The following FBXL2 variants were observed in gnomAD, a reference collection of about 807,000 sequenced individuals.
The protein encoded by FBXL2 is F-box and leucine rich repeat protein 2.
In FBXL2, 38 loss-of-function variants were observed where a neutral mutation model predicts 69.2. The observed-to-expected ratio is 0.55, with a 90% CI of 0.42 to 0.72. The LOEUF (loss-of-function observed/expected upper bound fraction) is 0.72, where lower values mean the gene tolerates loss of function less well. Ranked by LOEUF, FBXL2 falls within the 30% of genes least tolerant of loss-of-function variation. FBXL2 has a pLI of 0.00. For synonymous variants in FBXL2, 192 were observed against 201.3 expected, an observed-to-expected ratio of 0.95 and a Z score of 0.39; for missense variants, 354 against 520.3, an observed-to-expected ratio of 0.68 and a Z score of 3.11.
intron 4 of FBXL2, 114 bp downstream of exon 4, chr3:33,359,471 A>G: frequency 1.7e-6 from 1 of 591,066 alleles, no homozygotes; most frequent in Non-Finnish European, 2.8e-6. Flanking sequence ...GCTGAGGTAG[A>G]ACAGAAAGAA....
At chr3:33,327,418 C>G (rs1234624399) in intron 2 of FBXL2, among the ~76,000 whole-genome samples, 1 of 151,956 alleles carries the variant, frequency 6.6e-6, no homozygotes, top group Non-Finnish European at 1.5e-5. Context: ...AACTGTTTGT[C>G]CTATAATCCA....
At chr3:33,303,792 G>T (rs1223317801) in intron 2 of FBXL2, among the ~76,000 whole-genome samples, 2 of 151,844 alleles carry the variant, frequency 1.3e-5, no homozygotes, top group African/African-American at 4.8e-5. Context: ...TAAGATAAAG[G>T]TAGATTGATT....
chr3:33,384,142 G>A lies in FBXL2; in HGVS notation c.1105G>A (p.Glu369Lys). 6.2e-7 allele frequency: 1 copy of A among 1,614,144 alleles called. No individual in the cohort carries two copies. Among genetic ancestry groups the A allele is most frequent in the Non-Finnish European group, 8.5e-7 (1 of 1,180,030 alleles). The change falls in exon 14 of 15, where the codon GAG (glutamate) becomes AAG (lysine). Residue 369 changes from glutamate (E) to lysine (K), a missense_variant. Physicochemically the swap from Glu to Lys is moderately conservative, Grantham distance 56. Transcript: ENST00000484457. ...LEHLENCRGLERLELYDCQQV... is the reference protein window; with the variant it reads ...LEHLENCRGLKRLELYDCQQV... The stretch of plus-strand genomic sequence containing the variant: ...ACACCTAGAGAACTGCCGAGGCCTG[G>A]AGCGCCTCGAGCTGTACGACTGCCA...
Position 33,343,157 on chromosome 3 carries a change from ATATG to A in FBXL2, c.66-15809_66-15806del, listed in dbSNP as rs1255518275. ...TATAGTATTCAAAGCAATTATATAT[ATATG>A]ATAGTTAAAGAACATTTTGTAATAT... On this transcript the variant is annotated intron_variant, in intron 2 of 14. Coordinates refer to ENST00000484457, the MANE Select transcript of FBXL2 (RefSeq NM_012157.5). Among the ~76,000 whole-genome samples the A allele has an allele frequency of 9.9e-5, 15 of 152,052 alleles. No individual in the cohort carries two copies. In the East Asian group the frequency reaches 2.1e-3, roughly 22 times the overall value.
chr3:33,277,992 G>C (rs548045154), intron 1 of FBXL2, among the ~76,000 whole-genome samples: 1 of 152,172 alleles, frequency 6.6e-6, no homozygotes, highest in Non-Finnish European at 1.5e-5. Flanking sequence ...TCAGCATTCT[G>C]ATAGGTTTTT....
chr3:33,407,879 G>A (rs543373195), downstream of FBXL2, among the ~76,000 whole-genome samples: 14 of 152,310 alleles, frequency 9.2e-5, no homozygotes, highest in South Asian at 2.5e-3. Context: ...ATTTACTGAA[G>A]GTATGTAGCT....
intron 14 of FBXL2, among the ~76,000 whole-genome samples, chr3:33,384,703 G>A (rs1466931874): frequency 1.3e-5 from 2 of 152,018 alleles, no homozygotes; most frequent in Admixed American, 1.3e-4. Context: ...GTTGGGTCTG[G>A]GCTGGAGATT....
chr3:33,403,796 G>C (rs1176920572), downstream of FBXL2: 2 of 152,166 alleles, frequency 1.3e-5, no homozygotes, highest in African/African-American at 4.8e-5. Flanking sequence ...CTTCAGACTT[G>C]AGATACAGAC....
intron 2 of FBXL2, among the ~76,000 whole-genome samples, chr3:33,325,525 C>A (rs1267545637): frequency 6.6e-6 from 1 of 152,104 alleles, no homozygotes; most frequent in East Asian, 1.9e-4. Flanking sequence ...TTGTTGAAGG[C>A]CTTTTCTGCA....
At chr3:33,366,791 T>C (rs1047884934) in intron 5 of FBXL2, among the ~76,000 whole-genome samples, 14 of 152,092 alleles carry the variant, frequency 9.2e-5, no homozygotes, top group African/African-American at 2.2e-4. Flanking sequence ...AGTGAAACCC[T>C]GTCTCTACTA....
chr3:33,298,696 C>CA (rs1158732530), intron 2 of FBXL2, among the ~76,000 whole-genome samples: 1,707 of 46,098 alleles, frequency 0.037, 70 homozygotes, highest in African/African-American at 0.088. Context: ...AACTCTGTCT[C>CA]AAAAAAAAAA....
chr3:33,378,913 T>C, intron 13 of FBXL2, 172 bp downstream of exon 13: 1 of 1,266,600 alleles, frequency 7.9e-7, no homozygotes, highest in Non-Finnish European at 1.1e-6. Flanking sequence ...TGATTACTGC[T>C]TTCATTGAAT....
chr3:33,277,633 C>G (rs2033431304), intron 1 of FBXL2, 118 bp downstream of exon 1: 1 of 1,085,352 alleles, frequency 9.2e-7, no homozygotes, highest in Non-Finnish European at 1.2e-6. Context: ...GAGGCCGGGC[C>G]GCGGCCTGCG....
chr3:33,389,179 T>C (rs991004097), downstream of FBXL2: 12 of 152,624 alleles, frequency 7.9e-5, no homozygotes, highest in Non-Finnish European at 1.3e-4. Context: ...GGCACTCTTA[T>C]AGAGAAAGAA....
intron 12 of FBXL2, 114 bp from the exon 13 acceptor site, chr3:33,378,571 T>A (rs183337210): frequency 1.9e-6 from 2 of 1,055,944 alleles, no homozygotes; most frequent in East Asian, 4.9e-5. Context: ...CCAGAGTGTT[T>A]GAGATGAGTT....
chr3:33,376,079 C>G (rs1054944147), intron 10 of FBXL2, among the ~76,000 whole-genome samples: 6 of 151,988 alleles, frequency 3.9e-5, no homozygotes. Context: ...TTGCTTGAAC[C>G]CGCGAGGCGG....
chr3:33,340,898 A>C (rs949408598), intron 2 of FBXL2, among the ~76,000 whole-genome samples: 5 of 100,840 alleles, frequency 5.0e-5, no homozygotes, highest in Admixed American at 1.3e-4. Context: ...CTTTGCCCAA[A>C]AAAAAAAAAA....
intron 2 of FBXL2, among the ~76,000 whole-genome samples, chr3:33,329,664 A>C (rs557150837): frequency 6.6e-6 from 1 of 152,242 alleles, no homozygotes; most frequent in African/African-American, 2.4e-5. Context: ...AAGTACAGAA[A>C]GACAAATATT....
At chr3:33,336,009 T>C (rs1198265131) in intron 2 of FBXL2, among the ~76,000 whole-genome samples, 1 of 152,192 alleles carries the variant, frequency 6.6e-6, no homozygotes, top group Non-Finnish European at 1.5e-5. Flanking sequence ...ACGTCATGTT[T>C]ATGGATTGGG....
Sources: allele counts gnomAD v4.1 joint callset (sites outside exome capture counted in the v4.1 genomes callset), GRCh38; gene constraint gnomAD v4.1.1; transcripts MANE v1.5; gene names NCBI Gene and HGNC (gene_info 2026-07-23, HGNC 2026-07-21).